The following MCU variants were observed in gnomAD, a reference collection of about 807,000 sequenced individuals.
MCU encodes calcium uniporter protein, mitochondrial.
Under a neutral mutation model 45.2 loss-of-function variants are expected in MCU, and 12 were observed. That is an observed-to-expected ratio of 0.27 (90% CI 0.17 to 0.43). MCU has a LOEUF of 0.43. Ranked by LOEUF, MCU falls within the 20% of genes least tolerant of loss-of-function variation. The probability of loss-of-function intolerance (pLI) is 1.00; values close to 1 mark genes in which losing one functional copy is unlikely to be tolerated. For missense variants in MCU, 324 were observed against 436.7 expected, an observed-to-expected ratio of 0.74 and a Z score of 2.30; for synonymous variants, 160 against 165.1, an observed-to-expected ratio of 0.97 and a Z score of 0.24.
chr10:72,777,350 A>G (rs962577172), intron 1 of MCU, among the ~76,000 whole-genome samples: 1 of 152,224 alleles, frequency 6.6e-6, no homozygotes, highest in African/African-American at 2.4e-5. Context: ...AAAAGCAGAC[A>G]CATAGACCAA....
chr10:72,819,864 G>C (rs1844684457), intron 1 of MCU, among the ~76,000 whole-genome samples: 1 of 150,356 alleles, frequency 6.7e-6, no homozygotes, highest in Non-Finnish European at 1.5e-5. Flanking sequence ...ATTTATCTTA[G>C]TTGATAGTAG....
At chr10:72,706,210 G>T (rs1296699774) in intron 1 of MCU, among the ~76,000 whole-genome samples, 4 of 149,794 alleles carry the variant, frequency 2.7e-5, no homozygotes, top group African/African-American at 9.9e-5. Flanking sequence ...AGCATTGTAT[G>T]ATGGTCTTAT....
intron 1 of MCU, among the ~76,000 whole-genome samples, chr10:72,784,914 G>A (rs1047053694): frequency 3.3e-5 from 5 of 152,134 alleles, no homozygotes; most frequent in African/African-American, 7.2e-5. Context: ...AAACACACAT[G>A]GATAATGATT....
At chr10:72,853,057 A>G (rs1045388409) in intron 2 of MCU, among the ~76,000 whole-genome samples, 8 of 152,216 alleles carry the variant, frequency 5.3e-5, no homozygotes, top group African/African-American at 1.9e-4. Context: ...CTAACATGCA[A>G]CTAATTTAAC....
intron 2 of MCU, among the ~76,000 whole-genome samples, chr10:72,854,167 C>T (rs1285052994): frequency 6.6e-6 from 1 of 152,004 alleles, no homozygotes; most frequent in African/African-American, 2.4e-5. Context: ...GTGGCACATG[C>T]CTGTAGTCCC....
intron 1 of MCU, among the ~76,000 whole-genome samples, chr10:72,778,615 C>T (rs1038559450): frequency 6.6e-6 from 1 of 152,046 alleles, no homozygotes; most frequent in Non-Finnish European, 1.5e-5. Context: ...TTAATTGATT[C>T]ATGCTAGCAA....
chr10:72,787,849 GC>G (rs1247225468), intron 1 of MCU, among the ~76,000 whole-genome samples: 3 of 151,398 alleles, frequency 2.0e-5, no homozygotes, highest in Non-Finnish European at 4.4e-5. Flanking sequence ...ATCCTAAGTA[GC>G]TGGGATTACA....
At chr10:72,793,236 A>G (rs867630476) in intron 1 of MCU, among the ~76,000 whole-genome samples, 5 of 152,186 alleles carry the variant, frequency 3.3e-5, no homozygotes, top group African/African-American at 1.2e-4. Flanking sequence ...AGAAATCAGC[A>G]TTGTCACCAA....
At chr10:72,767,581 C>T (rs887396445) in intron 1 of MCU, among the ~76,000 whole-genome samples, 30 of 152,012 alleles carry the variant, frequency 2.0e-4, no homozygotes, top group Admixed American at 1.9e-3. Context: ...CCCCTGGGCT[C>T]AAGTGATCCT....
At position 72,807,125 on chromosome 10, in the gene MCU, G is replaced by T. The variant is rs565916318; in HGVS notation, c.151-27234G>T. Among the ~76,000 whole-genome samples the T allele has an allele frequency of 2.0e-5, 3 of 152,268 alleles. No homozygotes were observed. The South Asian group carries it at 6.2e-4, about 32-fold the overall frequency. ...TTATTTTATTGCTTTTCACACTCAG[G>T]AGTAGCATTTTCATTTATTATGTGG... is the stretch of plus-strand genomic sequence containing the variant. On this transcript the variant is annotated intron_variant, in intron 1 of 7. Coordinates refer to ENST00000373053, the MANE Select transcript of MCU (RefSeq NM_138357.3).
chr10:72,831,619 A>G (rs1347349498), intron 1 of MCU, among the ~76,000 whole-genome samples: 1 of 152,180 alleles, frequency 6.6e-6, no homozygotes, highest in Non-Finnish European at 1.5e-5. Flanking sequence ...GAGGAGACAA[A>G]AATAAGTAAA....
At chr10:72,786,540 G>A (rs186818766) in intron 1 of MCU, among the ~76,000 whole-genome samples, 8 of 152,260 alleles carry the variant, frequency 5.3e-5, no homozygotes, top group Admixed American at 4.6e-4. Flanking sequence ...GAGGTCAGGA[G>A]TTCGAGACCA....
intron 1 of MCU, among the ~76,000 whole-genome samples, chr10:72,696,161 CAAAAAAAAA>C (rs58694098): frequency 3.3e-5 from 1 of 30,638 alleles, no homozygotes; most frequent in Non-Finnish European, 5.6e-5. Flanking sequence ...AACTCCGACT[CAAAAAAAAA>C]AAAAAAAAAA....
intron 1 of MCU, among the ~76,000 whole-genome samples, chr10:72,789,346 A>G (rs1844123541): frequency 6.6e-6 from 1 of 152,150 alleles, no homozygotes; most frequent in South Asian, 2.1e-4. Flanking sequence ...AAATGACTTG[A>G]ATTTGAGTGG....
intron 1 of MCU, among the ~76,000 whole-genome samples, chr10:72,701,340 A>G (rs1842756694): frequency 6.6e-6 from 1 of 152,202 alleles, no homozygotes; most frequent in Non-Finnish European, 1.5e-5. Context: ...GTTTAGTGCT[A>G]GGGATGCACT....
At chr10:72,873,024 T>C (rs917934635) in intron 6 of MCU, among the ~76,000 whole-genome samples, 4 of 138,920 alleles carry the variant, frequency 2.9e-5, no homozygotes, top group Non-Finnish European at 6.2e-5. Flanking sequence ...TTTTTTTTTT[T>C]TTTTTTTTTT....
intron 1 of MCU, among the ~76,000 whole-genome samples, chr10:72,831,176 G>T (rs1232150199): frequency 6.6e-6 from 1 of 152,194 alleles, no homozygotes; most frequent in Non-Finnish European, 1.5e-5. Flanking sequence ...AGTAATGAAA[G>T]TCGGAAAGAT....
intron 1 of MCU, among the ~76,000 whole-genome samples, chr10:72,826,929 T>C (rs1201749398): frequency 2.0e-5 from 3 of 152,198 alleles, no homozygotes; most frequent in Admixed American, 6.6e-5. Context: ...CACATTTGTG[T>C]AACTTTTATT....
chr10:72,723,745 T>C (rs900356732), intron 1 of MCU, among the ~76,000 whole-genome samples: 9 of 152,190 alleles, frequency 5.9e-5, no homozygotes, highest in African/African-American at 7.2e-5. Flanking sequence ...TTTCAAAATA[T>C]ATATATTTTT....
Sources: allele counts gnomAD v4.1 joint callset (sites outside exome capture counted in the v4.1 genomes callset), GRCh38; gene constraint gnomAD v4.1.1; transcripts MANE v1.5; gene names NCBI Gene and HGNC (gene_info 2026-07-23, HGNC 2026-07-21).